The following UTP6 variants were observed in gnomAD, a reference collection of about 807,000 sequenced individuals.
UTP6 encodes the protein U3 small nucleolar RNA-associated protein 6 homolog.
In UTP6, 60 loss-of-function variants were observed where a neutral mutation model predicts 96.5. The observed-to-expected ratio is 0.62, with a 90% CI of 0.51 to 0.77. UTP6 has a LOEUF of 0.77. Ranked by LOEUF, UTP6 falls within the 30% of genes least tolerant of loss-of-function variation. The probability of loss-of-function intolerance (pLI) is 0.00; values close to 1 mark genes in which losing one functional copy is unlikely to be tolerated. For synonymous variants in UTP6, 215 were observed against 240.1 expected (o/e 0.90, Z 0.96); for missense variants, 637 against 706.5 (o/e 0.90, Z 1.12).
chr17:31,868,325 G>GTTTTTT lies in UTP6; in HGVS notation c.1497-219_1497-214dup, dbSNP rs33960994. ...TTCATACCCAGTTCTTAGTTTTTTG[G>GTTTTTT]TTTTTTTTTTTTTTTTTTTTTTGAG... On this transcript the variant is annotated intron_variant, in intron 16 of 18. Coordinates refer to ENST00000261708, the MANE Select transcript of UTP6 (RefSeq NM_018428.3). 3.4e-4 allele frequency among the ~76,000 whole-genome samples: 31 copies of GTTTTTT among 90,508 alleles called. 1 individual carries two copies. Among genetic ancestry groups the GTTTTTT allele is most frequent in the Admixed American group, 4.6e-4 (3 of 6,514 alleles). 59.4% of individuals were successfully genotyped at this position (90,508 alleles called of 152,430 possible).
intron 2 of UTP6, among the ~76,000 whole-genome samples, chr17:31,898,193 C>A (rs1904765758): frequency 6.6e-6 from 1 of 152,138 alleles, no homozygotes; most frequent in Non-Finnish European, 1.5e-5. Flanking sequence ...TACTCCTGTT[C>A]AGAAATATCT....
chr17:31,863,073 T>C lies in UTP6; in HGVS notation c.*286A>G, dbSNP rs1326997765. The C allele has an allele frequency of 5.3e-6, 2 of 378,122 alleles. No homozygotes were observed. Among genetic ancestry groups the C allele is most frequent in the Non-Finnish European group, 9.6e-6 (2 of 208,048 alleles). The allele number at this position is 378,122 out of a possible 1,614,324, so 23.4% of individuals were successfully genotyped here. On this transcript the variant is annotated 3_prime_UTR_variant, in exon 19 of 19. Transcript: ENST00000261708. ...GATTAGCACATCAAACTGAGCAGTG[T>C]CATGCACCTATAATCCCAGCTACTC... is the stretch of plus-strand genomic sequence containing the variant.
At chr17:31,869,873 A>G (rs553367398) in intron 16 of UTP6, among the ~76,000 whole-genome samples, 3 of 152,154 alleles carry the variant, frequency 2.0e-5, no homozygotes, top group Admixed American at 6.6e-5. Context: ...TTCTGTCTTT[A>G]TATCCACGTG....
At chr17:31,889,967 G>A (rs1055186962) in intron 6 of UTP6, among the ~76,000 whole-genome samples, 4 of 152,136 alleles carry the variant, frequency 2.6e-5, no homozygotes, top group Non-Finnish European at 5.9e-5. Context: ...CTAAGTGTCT[G>A]TTACTGTTTT....
chr17:31,890,102 G>A (rs1027260435), intron 6 of UTP6, among the ~76,000 whole-genome samples: 1 of 151,810 alleles, frequency 6.6e-6, no homozygotes, highest in African/African-American at 2.4e-5. Context: ...TCACCTACCA[G>A]AATCCCACCT....
intron 3 of UTP6, 111 bp downstream of exon 3, chr17:31,894,859 G>T: frequency 7.9e-7 from 1 of 1,264,282 alleles, no homozygotes; most frequent in Non-Finnish European, 1.1e-6. Flanking sequence ...TCCATTATAG[G>T]CATATCACCA....
intron 16 of UTP6, among the ~76,000 whole-genome samples, chr17:31,870,987 GTTTTT>G (rs58931819): frequency 9.0e-6 from 1 of 111,082 alleles, no homozygotes; most frequent in Non-Finnish European, 1.9e-5. Context: ...AACTTTTTAA[GTTTTT>G]TTTTTTTTTT....
intron 18 of UTP6, 83 bp downstream of exon 18, chr17:31,865,283 G>C (rs1170854830): frequency 2.1e-6 from 3 of 1,443,698 alleles, no homozygotes; most frequent in African/African-American, 2.8e-5. Context: ...AAAGTGCTGG[G>C]ATTACAGGCA....
intron 5 of UTP6, 115 bp from the exon 6 acceptor site, chr17:31,892,438 T>TCC: frequency 9.3e-7 from 1 of 1,075,488 alleles, no homozygotes; most frequent in Non-Finnish European, 1.4e-6. Context: ...CATGACATGC[T>TCC]ATTGCTAGGG....
intron 11 of UTP6, 111 bp downstream of exon 11, chr17:31,880,462 A>G (rs1310871447): frequency 2.2e-6 from 3 of 1,348,720 alleles, no homozygotes; most frequent in African/African-American, 2.9e-5. Context: ...ATCGTAAACT[A>G]TGTTACAGAG....
intron 4 of UTP6, 26 bp from the exon 5 acceptor site, chr17:31,892,820 T>C (rs750595611): frequency 5.1e-5 from 83 of 1,613,658 alleles, no homozygotes; most frequent in Non-Finnish European, 5.9e-5. Flanking sequence ...TGTAGTAAGC[T>C]GCCCAAATTT....
chr17:31,873,767 A>T lies in UTP6; in HGVS notation c.1306-14T>A. 6.2e-7 allele frequency: 1 copy of T among 1,601,246 alleles called. No homozygotes were observed. The highest frequency in any genetic ancestry group is 1.1e-5 in the South Asian group (1 of 88,968). Reference sequence around the variant, plus strand: ...TGGCAGACAAACCTACTCCCAGTTTAAAAAATGTTAGTTAGAGAACAGCAT... The same window carrying T: ...TGGCAGACAAACCTACTCCCAGTTTTAAAAATGTTAGTTAGAGAACAGCAT... On this transcript the variant is annotated splice_polypyrimidine_tract_variant and intron_variant, in intron 14 of 18. Transcript: ENST00000261708.
intron 12 of UTP6, among the ~76,000 whole-genome samples, 161 bp downstream of exon 12, chr17:31,878,541 G>A (rs1276535766): frequency 6.6e-6 from 1 of 152,162 alleles, no homozygotes; most frequent in Non-Finnish European, 1.5e-5. Flanking sequence ...CGGCAAACCA[G>A]ACTCAGACCT....
chr17:31,875,353 T>C lies in UTP6; in HGVS notation c.1186A>G (p.Thr396Ala). Residue 396 changes from threonine to alanine, a missense_variant, in exon 14 of 19, where the codon ACT (threonine) becomes GCT (alanine). Thr to Ala is a moderately conservative substitution (Grantham distance 58, BLOSUM62 0). Coordinates refer to ENST00000261708, the MANE Select transcript of UTP6 (RefSeq NM_018428.3). ...REALEVAVAG[T>A]ELFRDSGTMW... ...GTCCCAGAGTCTCTAAACAATTCAG[T>C]TCCAGCTACTGCCACTTCCAGAGCT... The C allele has an allele frequency of 6.2e-7, 1 of 1,614,162 alleles. No individual in the cohort carries two copies. The highest frequency in any genetic ancestry group is 8.5e-7 in the Non-Finnish European group (1 of 1,180,026).
At chr17:31,872,454 G>A (rs1910228278) in intron 16 of UTP6, among the ~76,000 whole-genome samples, 1 of 151,658 alleles carries the variant, frequency 6.6e-6, no homozygotes, top group South Asian at 2.1e-4. Context: ...GACTGCTTGA[G>A]CCCAGGAGTT....
chr17:31,894,639 A>C lies in UTP6; in HGVS notation c.312+6T>G, dbSNP rs371709535. Reference sequence around the variant, plus strand: ...TCATAAAGTTAAGGATGCCTTGATCACTCACTTTCCATTTTGCTGAGGCAC... The same window carrying C: ...TCATAAAGTTAAGGATGCCTTGATCCCTCACTTTCCATTTTGCTGAGGCAC... On this transcript the variant is annotated splice_donor_region_variant and intron_variant, in intron 4 of 18. Transcript: ENST00000261708. The C allele has an allele frequency of 1.3e-6, 2 of 1,594,692 alleles. No individual in the cohort carries two copies. The highest frequency in any genetic ancestry group is 2.7e-5 in the African/African-American group (2 of 74,680).
chr17:31,873,273 A>T (rs1187213125), intron 16 of UTP6, 105 bp downstream of exon 16: 16 of 1,098,554 alleles, frequency 1.5e-5, no homozygotes, highest in Non-Finnish European at 1.9e-5. Context: ...GAAAAAGTGT[A>T]TCAGATTACT....
rs911285975 is a variant in UTP6 at position 31,861,111 on chromosome 17, G to A, written c.*2248C>T. 1 of 151,734 alleles carries A rather than the reference G, an allele frequency of 6.6e-6. No individual in the cohort carries two copies. The highest frequency in any genetic ancestry group is 6.6e-5 in the Admixed American group (1 of 15,202). 9.4% of individuals were successfully genotyped at this position (151,734 alleles called of 1,614,324 possible). Reference sequence around the variant, plus strand: ...GGCATCAAAAATCGCCACAAAAGGTGCCTATAATCCCAGCTACTTGGGAGG... The same window carrying A: ...GGCATCAAAAATCGCCACAAAAGGTACCTATAATCCCAGCTACTTGGGAGG... On this transcript the variant is annotated 3_prime_UTR_variant, in exon 19 of 19. Coordinates refer to ENST00000261708, the MANE Select transcript of UTP6 (RefSeq NM_018428.3).
At chr17:31,866,322 G>A (rs1313187043) in intron 17 of UTP6, among the ~76,000 whole-genome samples, 2 of 151,498 alleles carry the variant, frequency 1.3e-5, no homozygotes, top group African/African-American at 4.9e-5. Flanking sequence ...CTTGCCGGGT[G>A]CAGTGGCTCA....
Sources: gnomAD v4.1 joint callset for allele counts (sites outside exome capture counted in the v4.1 genomes callset) on GRCh38, gnomAD v4.1.1 for gene constraint, MANE v1.5 for transcripts, NCBI Gene and HGNC (gene_info 2026-07-23, HGNC 2026-07-21) for gene names.